Variants in MRM1 observed in about 807,000 individuals in gnomAD.
MRM1 encodes the protein mitochondrial rRNA methyltransferase 1.
A neutral mutation model predicts 25.0 loss-of-function variants in MRM1; 24 were observed. The observed-to-expected ratio is 0.96, with a 90% CI of 0.69 to 1.35. The LOEUF (loss-of-function observed/expected upper bound fraction) is 1.35. MRM1 is among the 40% of genes most tolerant of loss of function. The pLI, the probability that MRM1 is intolerant of heterozygous loss-of-function variation, is 0.00. For synonymous variants in MRM1, 188 were observed against 199.2 expected (o/e 0.94, Z 0.47); for missense variants, 431 against 464.1 (o/e 0.93, Z 0.65).
the MRM1 span, among the ~76,000 whole-genome samples, chr17:36,621,709 C>T: frequency 6.6e-6 from 1 of 152,222 alleles, no homozygotes; most frequent in Non-Finnish European, 1.5e-5. Flanking sequence ...TCAACTACCC[C>T]TGCAGCTACG....
the MRM1 span, among the ~76,000 whole-genome samples, chr17:36,625,397 T>A: frequency 6.6e-6 from 1 of 150,950 alleles, no homozygotes; most frequent in African/African-American, 2.4e-5. Flanking sequence ...CTTCGTCTTC[T>A]TTCTTCCTCT....
the MRM1 span, among the ~76,000 whole-genome samples, chr17:36,631,867 G>A: frequency 6.6e-6 from 1 of 152,138 alleles, no homozygotes; most frequent in Non-Finnish European, 1.5e-5. Flanking sequence ...CTCTGGGCTG[G>A]GCAAGGTTGT....
At chr17:36,631,089 G>T in the MRM1 span, among the ~76,000 whole-genome samples, 2 of 152,244 alleles carry the variant, frequency 1.3e-5, no homozygotes, top group Non-Finnish European at 2.9e-5. Context: ...TGCATGGAAG[G>T]TGCTTAGCAC....
downstream of MRM1, among the ~76,000 whole-genome samples, chr17:36,613,685 C>T (rs999501821): frequency 1.3e-5 from 2 of 152,240 alleles, no homozygotes; most frequent in African/African-American, 2.4e-5. Flanking sequence ...CTACTCATCC[C>T]TGTCCCACCG....
intron 2 of MRM1, among the ~76,000 whole-genome samples, chr17:36,606,408 T>C (rs919796287): frequency 7.4e-6 from 1 of 135,306 alleles, no homozygotes; most frequent in Non-Finnish European, 1.5e-5. Flanking sequence ...AGGGCTCTGA[T>C]GGATAATTTT....
At chr17:36,606,348 G>A (rs1413896034) in intron 2 of MRM1, among the ~76,000 whole-genome samples, 1 of 152,030 alleles carries the variant, frequency 6.6e-6, no homozygotes, top group Non-Finnish European at 1.5e-5. Flanking sequence ...CTAATTGACT[G>A]GATCAGCAGA....
In MRM1 at chr17:36,608,893, C is replaced by T. The variant is rs542819982; in HGVS notation, c.*478C>T. ...CTGGGGCCTTGAGCGCAGGCCTCAT[C>T]TTTCTGTGCCGCGGGACTCCGCACC... On this transcript the variant is annotated 3_prime_UTR_variant, in exon 5 of 5. Transcript: ENST00000614766. The T allele has an allele frequency of 3.2e-4, 50 of 158,422 alleles. No homozygotes were observed. Among genetic ancestry groups the T allele is most frequent in the Middle Eastern group, 3.1e-3 (1 of 320 alleles). 9.8% of individuals were successfully genotyped at this position (158,422 alleles called of 1,614,324 possible).
Position 36,602,682 on chromosome 17 carries a change from G to C in MRM1, c.636+36G>C. ...GCAAGAGGGGAAGGAACAGATGTGA[G>C]CCCAGCTCAGCCTCTTCAAGGGGAC... is the stretch of plus-strand genomic sequence containing the variant. On this transcript the variant is annotated intron_variant, in intron 2 of 4. Coordinates refer to ENST00000614766, the MANE Select transcript of MRM1 (RefSeq NM_024864.5). The surrounding 1 kb of genome is among the most constrained non-coding windows in gnomAD (Gnocchi z 4.1). The C allele has an allele frequency of 6.2e-7, 1 of 1,607,874 alleles. No individual in the cohort carries two copies. Among genetic ancestry groups the C allele is most frequent in the Non-Finnish European group, 8.5e-7 (1 of 1,174,290 alleles).
At chr17:36,603,044 A>C in intron 2 of MRM1, 1 of 985,438 alleles carries the variant, frequency 1.0e-6, no homozygotes, top group African/African-American at 1.7e-5. Context: ...TCTTTATGCC[A>C]TTAGTATCTA....
the MRM1 span, among the ~76,000 whole-genome samples, chr17:36,621,592 G>A: frequency 3.9e-5 from 6 of 152,278 alleles, no homozygotes; most frequent in Admixed American, 3.3e-4. Flanking sequence ...CCAGCCCATT[G>A]TGGAGAAAAA....
At chr17:36,622,023 CA>C in the MRM1 span, among the ~76,000 whole-genome samples, 1 of 152,148 alleles carries the variant, frequency 6.6e-6, no homozygotes, top group South Asian at 2.1e-4. Context: ...TGCGTGACTG[CA>C]GGGGGCATGG....
At chr17:36,623,532 CTCCT>C in the MRM1 span, among the ~76,000 whole-genome samples, 395 of 152,300 alleles carry the variant, frequency 2.6e-3, 1 homozygote, top group African/African-American at 8.9e-3. Flanking sequence ...GGTTTGTCTC[CTCCT>C]TCCTTCTACC....
At chr17:36,620,841 C>G in the MRM1 span, among the ~76,000 whole-genome samples, 1 of 152,158 alleles carries the variant, frequency 6.6e-6, no homozygotes, top group Non-Finnish European at 1.5e-5. Flanking sequence ...CCTGGCCCAA[C>G]CCATCCATAG....
At chr17:36,619,190 G>A in the MRM1 span, among the ~76,000 whole-genome samples, 1 of 152,196 alleles carries the variant, frequency 6.6e-6, no homozygotes, top group Non-Finnish European at 1.5e-5. Context: ...TGTCTTCAAG[G>A]TTTGTCCATA....
At chr17:36,626,648 A>G in the MRM1 span, among the ~76,000 whole-genome samples, 1 of 152,158 alleles carries the variant, frequency 6.6e-6, no homozygotes, top group Non-Finnish European at 1.5e-5. Context: ...GGTGTGAGCT[A>G]CTGCACCCAA....
chr17:36,633,683 C>A, the MRM1 span, among the ~76,000 whole-genome samples: 3 of 151,916 alleles, frequency 2.0e-5, no homozygotes, highest in Admixed American at 1.3e-4. Context: ...AGGGAGGAGG[C>A]GTAGGCAGCC....
chr17:36,629,634 A>G, the MRM1 span, among the ~76,000 whole-genome samples: 1 of 141,888 alleles, frequency 7.0e-6, no homozygotes, highest in African/African-American at 2.6e-5. Context: ...CTGCTCCTCC[A>G]CCCGTGACTC....
At position 36,602,510 on chromosome 17, in the gene MRM1, T is replaced by C. The variant is rs1555611650; in HGVS notation, c.543-43T>C. The C allele has an allele frequency of 2.5e-6, 4 of 1,607,592 alleles. No individual in the cohort carries two copies. The highest frequency in any genetic ancestry group is 2.6e-6 in the Non-Finnish European group (3 of 1,174,138). ...CCCTGGGAGGGTAGGGAGCCGGGCT[T>C]GAGATGGCCCAGCCTAATGCGGGGA... On this transcript the variant is annotated intron_variant, in intron 1 of 4. Transcript: ENST00000614766. This position sits in a 1 kb window ranked among gnomAD's most constrained non-coding sequence, Gnocchi z 4.1.
chr17:36,621,407 C>T, the MRM1 span, among the ~76,000 whole-genome samples: 4 of 152,140 alleles, frequency 2.6e-5, no homozygotes, highest in Non-Finnish European at 4.4e-5. Flanking sequence ...GGCTAAGTGA[C>T]GGCCTGACAC....
Sources: allele counts gnomAD v4.1 joint callset (sites outside exome capture counted in the v4.1 genomes callset), GRCh38; gene constraint gnomAD v4.1.1; non-coding constraint Gnocchi (gnomAD v3.1); transcripts MANE v1.5; gene names NCBI Gene and HGNC (gene_info 2026-07-23, HGNC 2026-07-21).